The following SRGAP3 variants were observed in gnomAD, a reference collection of about 807,000 sequenced individuals.
SRGAP3 encodes the protein SLIT-ROBO Rho GTPase-activating protein 3.
In SRGAP3, 39 loss-of-function variants were observed where a neutral mutation model predicts 121.1. The observed-to-expected ratio is 0.32, with a 90% CI of 0.25 to 0.42. The LOEUF is 0.42. Among genes scored for constraint, SRGAP3 ranks in the 10% least tolerant of loss-of-function variants. SRGAP3 has a pLI of 1.00. For missense variants in SRGAP3, 1,213 were observed against 1,470.6 expected (o/e 0.82, Z 2.86); for synonymous variants, 601 against 570.0 (o/e 1.05, Z -0.77).
intron 14 of SRGAP3, among the ~76,000 whole-genome samples, chr3:9,019,340 GT>G (rs142833288): frequency 0.02 from 2,990 of 152,298 alleles, 94 homozygotes; most frequent in African/African-American, 0.069. Flanking sequence ...TCTCAAGAAT[GT>G]TGTTTTCCAC....
intron 1 of SRGAP3, among the ~76,000 whole-genome samples, chr3:9,163,986 CTTTTTTTT>C (rs767652463): frequency 1.2e-5 from 1 of 83,316 alleles, no homozygotes; most frequent in African/African-American, 5.0e-5. Context: ...AACTACTATT[CTTTTTTTT>C]TTTTTTTTTT....
chr3:9,074,396 G>A (rs1575030234), intron 4 of SRGAP3, among the ~76,000 whole-genome samples: 1 of 152,208 alleles, frequency 6.6e-6, no homozygotes, highest in South Asian at 2.1e-4. Flanking sequence ...CTGGGCTCAG[G>A]GAGTTTGTGT....
At chr3:9,065,354 T>C (rs371614453) in intron 4 of SRGAP3, 5 of 152,318 alleles carry the variant, frequency 3.3e-5, no homozygotes, top group East Asian at 1.9e-4. Context: ...ACCTTCTAGT[T>C]TGACAAACAG....
intron 18 of SRGAP3, among the ~76,000 whole-genome samples, chr3:9,000,839 A>G (rs1301582973): frequency 1.3e-5 from 2 of 152,222 alleles, no homozygotes; most frequent in Admixed American, 1.3e-4. Flanking sequence ...AGCAATTAGT[A>G]GAGATTAACA....
chr3:9,102,631 C>A (rs1256845501), intron 3 of SRGAP3, among the ~76,000 whole-genome samples: 1 of 152,234 alleles, frequency 6.6e-6, no homozygotes, highest in Non-Finnish European at 1.5e-5. Flanking sequence ...GCCAGCCAGG[C>A]TCCGTCCGCG....
At chr3:9,196,654 A>T (rs1951926771) in intron 1 of SRGAP3, among the ~76,000 whole-genome samples, 1 of 152,210 alleles carries the variant, frequency 6.6e-6, no homozygotes, top group Non-Finnish European at 1.5e-5. Context: ...AGAAGTTTGT[A>T]ACATTTCCCT....
intron 1 of SRGAP3, among the ~76,000 whole-genome samples, chr3:9,199,986 A>G (rs1352207452): frequency 1.3e-5 from 2 of 152,264 alleles, no homozygotes; most frequent in African/African-American, 4.8e-5. Context: ...GGCCTTATGA[A>G]TTGCAAGTCA....
rs930461633 is a variant in SRGAP3 at position 9,218,350 on chromosome 3, G to A, written c.67+30535C>T. ...GCCAGAAAAAGAGACCAGAGAATGA[G>A]GGAATAAGTCACCTAAAGCATGATG... On this transcript the variant is annotated intron_variant, in intron 1 of 21. Coordinates refer to ENST00000383836, the MANE Select transcript of SRGAP3 (RefSeq NM_014850.4). The surrounding 1 kb of genome is among the most constrained non-coding windows in gnomAD (Gnocchi z 5.3). 6.6e-6 allele frequency: 1 copy of A among 152,196 alleles called. No individual in the cohort carries two copies. Among genetic ancestry groups the A allele is most frequent in the Non-Finnish European group, 1.5e-5 (1 of 68,048 alleles). The allele number at this position is 152,196 out of a possible 1,614,324, so 9.4% of individuals were successfully genotyped here. A position where few individuals can be genotyped will look rare whatever the true frequency, so the allele number is the denominator to read the frequency against.
intron 3 of SRGAP3, among the ~76,000 whole-genome samples, chr3:9,297,806 G>A (rs537509347): frequency 6.6e-6 from 1 of 151,890 alleles, no homozygotes; most frequent in African/African-American, 2.4e-5. Flanking sequence ...TGAGGCACGA[G>A]AATCGCTAGA....
In SRGAP3 at chr3:9,167,568, G is replaced by A. The variant is rs186171003; in HGVS notation, c.68-42651C>T. 6.6e-5 allele frequency among the ~76,000 whole-genome samples: 10 copies of A among 152,262 alleles called. No homozygotes were observed. The South Asian group carries it at 1.0e-3, about 16-fold the overall frequency. ...GAATTCCCTGCTGTCAACGCCTAGGGGGGGAGCAGGAAGTTGGGACCGCAT... is the reference window on the plus strand; with the variant it reads ...GAATTCCCTGCTGTCAACGCCTAGGAGGGGAGCAGGAAGTTGGGACCGCAT... On this transcript the variant is annotated intron_variant, in intron 1 of 21. Coordinates refer to ENST00000383836, the MANE Select transcript of SRGAP3 (RefSeq NM_014850.4).
chr3:9,042,539 C>T (rs1186246184), intron 10 of SRGAP3, among the ~76,000 whole-genome samples: 2 of 152,074 alleles, frequency 1.3e-5, no homozygotes, highest in East Asian at 3.9e-4. Context: ...CAACAGGCAA[C>T]TCCTTAATTC....
At chr3:9,343,827 C>A (rs2600195) in intron 1 of SRGAP3, among the ~76,000 whole-genome samples, 1 of 152,108 alleles carries the variant, frequency 6.6e-6, no homozygotes, top group Non-Finnish European at 1.5e-5. Flanking sequence ...CAGTATCATG[C>A]CCAGCTAATT....
At position 9,047,379 on chromosome 3, in the gene SRGAP3, C is replaced by A; in HGVS notation, c.1408+12G>T. ...GCAGCACCTCCCAGAGGGCCTCCAC[C>A]AGCCCACTCACCTTCGCCCAGGGTC... On this transcript the variant is annotated intron_variant, in intron 10 of 21. Coordinates refer to ENST00000383836, the MANE Select transcript of SRGAP3 (RefSeq NM_014850.4). The A allele has an allele frequency of 6.2e-7, 1 of 1,613,872 alleles. No individual in the cohort carries two copies. Among genetic ancestry groups the A allele is most frequent in the Middle Eastern group, 1.7e-4 (1 of 6,050 alleles).
At chr3:9,355,259 T>C (rs1472993993) in intron 1 of SRGAP3, among the ~76,000 whole-genome samples, 1 of 152,212 alleles carries the variant, frequency 6.6e-6, no homozygotes, top group Non-Finnish European at 1.5e-5. Flanking sequence ...CCTAATATCC[T>C]AGTTTGAGAT....
At chr3:9,292,842 G>C (rs1221570284) in intron 3 of SRGAP3, 1 of 152,010 alleles carries the variant, frequency 6.6e-6, no homozygotes, top group African/African-American at 2.4e-5. Context: ...GGGAGCCTGG[G>C]AGCTCAGGTT....
At chr3:9,133,251 G>A (rs1235938384) in intron 1 of SRGAP3, among the ~76,000 whole-genome samples, 2 of 152,138 alleles carry the variant, frequency 1.3e-5, no homozygotes, top group African/African-American at 4.8e-5. Flanking sequence ...GGAGGCCGAA[G>A]CAGGTGGATC....
intron 1 of SRGAP3, among the ~76,000 whole-genome samples, chr3:9,241,603 T>C (rs539452896): frequency 6.6e-6 from 1 of 152,310 alleles, no homozygotes; most frequent in Non-Finnish European, 1.5e-5. Context: ...CTACTTTCAA[T>C]AGAATAGGAA....
intron 1 of SRGAP3, among the ~76,000 whole-genome samples, chr3:9,213,227 T>A (rs994201313): frequency 6.6e-6 from 1 of 152,098 alleles, no homozygotes; most frequent in South Asian, 2.1e-4. Flanking sequence ...CAGAAAAGAC[T>A]GGTCTGAAGT....
At chr3:9,248,592 G>C (rs1054327524) in intron 1 of SRGAP3, among the ~76,000 whole-genome samples, 3 of 152,182 alleles carry the variant, frequency 2.0e-5, no homozygotes, top group African/African-American at 7.2e-5. Context: ...TCACCGCCAA[G>C]ATGATGGGGT....
Sources: gnomAD v4.1 joint callset for allele counts (sites outside exome capture counted in the v4.1 genomes callset) on GRCh38, gnomAD v4.1.1 for gene constraint, Gnocchi (gnomAD v3.1) non-coding constraint, MANE v1.5 for transcripts, NCBI Gene and HGNC (gene_info 2026-07-23, HGNC 2026-07-21) for gene names.